HLCS: variants seen among roughly 807,000 people sequenced by gnomAD.
HLCS encodes the protein biotin--protein ligase.
A neutral mutation model predicts 75.0 loss-of-function variants in HLCS; 53 were observed. That is an observed-to-expected ratio of 0.71 (90% confidence interval 0.57 to 0.89). The LOEUF is 0.89. Ranked by LOEUF, HLCS falls within the 40% of genes least tolerant of loss-of-function variation. The pLI is 0.00. For missense variants in HLCS, 966 were observed against 1,074.0 expected (o/e 0.90, Z 1.41); for synonymous variants, 431 against 428.6 (o/e 1.01, Z -0.07).
intron 6 of HLCS, among the ~76,000 whole-genome samples, chr21:36,886,658 C>T (rs1240594279): frequency 6.6e-6 from 1 of 152,126 alleles, no homozygotes; most frequent in Non-Finnish European, 1.5e-5. Context: ...TGTGTTCCCT[C>T]CCCAACCCTC....
chr21:36,878,046 T>C (rs1183445795), intron 6 of HLCS, among the ~76,000 whole-genome samples: 1 of 152,122 alleles, frequency 6.6e-6, no homozygotes, highest in Non-Finnish European at 1.5e-5. Context: ...AGTTGGACTA[T>C]AATATGCCTA....
chr21:36,785,344 C>G (rs1179245212), intron 6 of HLCS, among the ~76,000 whole-genome samples: 1 of 152,126 alleles, frequency 6.6e-6, no homozygotes, highest in Non-Finnish European at 1.5e-5. Flanking sequence ...GGGTTTATGG[C>G]CCCCGTGAAC....
chr21:36,875,758 G>A (rs1407796868), intron 6 of HLCS, among the ~76,000 whole-genome samples: 1 of 152,218 alleles, frequency 6.6e-6, no homozygotes, highest in Non-Finnish European at 1.5e-5. Context: ...CTTGGGACCT[G>A]CCCAATGGTG....
At chr21:36,868,635 GA>G (rs1182346008) in intron 6 of HLCS, among the ~76,000 whole-genome samples, 1 of 151,684 alleles carries the variant, frequency 6.6e-6, no homozygotes, top group Non-Finnish European at 1.5e-5. Context: ...TAAAGAAAAT[GA>G]TGACCAAAAT....
chr21:36,857,639 A>G (rs989808177), intron 6 of HLCS, among the ~76,000 whole-genome samples: 1 of 151,830 alleles, frequency 6.6e-6, no homozygotes, highest in Non-Finnish European at 1.5e-5. Flanking sequence ...TCCTGCTCAG[A>G]GCTCCCACTC....
intron 6 of HLCS, 72 bp downstream of exon 6, chr21:36,896,788 G>A (rs895488553): frequency 2.9e-5 from 44 of 1,530,504 alleles, no homozygotes; most frequent in South Asian, 7.8e-5. Flanking sequence ...TCCCCTCCCC[G>A]TCTATTGGTA....
chr21:36,783,547 A>G (rs2060595447), intron 6 of HLCS, among the ~76,000 whole-genome samples: 1 of 152,158 alleles, frequency 6.6e-6, no homozygotes, highest in African/African-American at 2.4e-5. Context: ...CTAGAGCCAG[A>G]GGGTGGTAGG....
intron 5 of HLCS, among the ~76,000 whole-genome samples, chr21:36,898,533 A>T (rs2032919861): frequency 6.6e-6 from 1 of 151,734 alleles, no homozygotes; most frequent in Admixed American, 6.6e-5. Flanking sequence ...GCCGGGCTGG[A>T]ATCTTCAACT....
chr21:36,817,040 T>C (rs2061684805), intron 6 of HLCS, among the ~76,000 whole-genome samples: 1 of 152,134 alleles, frequency 6.6e-6, no homozygotes, highest in Non-Finnish European at 1.5e-5. Context: ...CTGGCTACAG[T>C]ACAGCAGGCT....
At chr21:36,834,370 C>T (rs1208026569) in intron 6 of HLCS, among the ~76,000 whole-genome samples, 1 of 152,174 alleles carries the variant, frequency 6.6e-6, no homozygotes, top group East Asian at 1.9e-4. Flanking sequence ...TCACTGAGCA[C>T]CAGCATGAGC....
intron 4 of HLCS, among the ~76,000 whole-genome samples, chr21:36,934,343 G>A (rs1247593908): frequency 1.3e-5 from 2 of 152,220 alleles, no homozygotes; most frequent in East Asian, 1.9e-4. Context: ...GCACAAGACT[G>A]TTGTTGCCAC....
At chr21:36,893,278 G>A (rs2064869231) in intron 6 of HLCS, among the ~76,000 whole-genome samples, 1 of 151,968 alleles carries the variant, frequency 6.6e-6, no homozygotes, top group African/African-American at 2.4e-5. Flanking sequence ...CACTATATTG[G>A]TCAGGCTGGT....
At chr21:36,873,887 C>T (rs1218427414) in intron 6 of HLCS, among the ~76,000 whole-genome samples, 1 of 152,194 alleles carries the variant, frequency 6.6e-6, no homozygotes, top group African/African-American at 2.4e-5. Context: ...AGGAATGAAC[C>T]ACTGCACCTG....
In HLCS at chr21:36,753,957, T is replaced by C. The variant is rs527369571; in HGVS notation, c.*289A>G. The C allele has an allele frequency of 4.1e-6, 2 of 488,770 alleles. No homozygotes were observed. Among genetic ancestry groups the C allele is most frequent in the South Asian group, 4.3e-5 (2 of 46,104 alleles). 30.3% of individuals were successfully genotyped at this position (488,770 alleles called of 1,614,324 possible). On this transcript the variant is annotated 3_prime_UTR_variant, in exon 11 of 11. Coordinates refer to ENST00000674895, the MANE Select transcript of HLCS (RefSeq NM_001352514.2). This position sits in a 1 kb window ranked among gnomAD's most constrained non-coding sequence, Gnocchi z 4.3. Reference sequence around the variant, plus strand: ...CCCATTGTCATTTCCATGTAAAAACTCCCCTTGACAATAAACGTAAGTCCA... The same window carrying C: ...CCCATTGTCATTTCCATGTAAAAACCCCCCTTGACAATAAACGTAAGTCCA...
At chr21:36,851,355 G>C (rs1234055128) in intron 6 of HLCS, among the ~76,000 whole-genome samples, 36 of 152,190 alleles carry the variant, frequency 2.4e-4, no homozygotes, top group Admixed American at 2.3e-3. Flanking sequence ...CCACAAAAAA[G>C]AATGCGATAT....
intron 2 of HLCS, among the ~76,000 whole-genome samples, chr21:36,957,021 C>A (rs542513599): frequency 2.0e-5 from 3 of 146,464 alleles, no homozygotes; most frequent in Admixed American, 1.4e-4. Flanking sequence ...CCACTGCAGT[C>A]CAGCCTGGAC....
intron 6 of HLCS, among the ~76,000 whole-genome samples, chr21:36,873,882 T>G (rs968593541): frequency 6.6e-6 from 1 of 152,258 alleles, no homozygotes; most frequent in African/African-American, 2.4e-5. Flanking sequence ...ATTACAGGAA[T>G]GAACCACTGC....
intron 5 of HLCS, among the ~76,000 whole-genome samples, chr21:36,916,518 ATTTTTTTTTT>A (rs57613865): frequency 5.4e-5 from 5 of 93,014 alleles, no homozygotes; most frequent in African/African-American, 1.5e-4. Context: ...TGCCTAGCTA[ATTTTTTTTTT>A]TTTTTTTTTT....
At position 36,847,392 on chromosome 21, in the gene HLCS, T is replaced by C. The variant is rs576755413; in HGVS notation, c.1892+49468A>G. ...AGCACAGACTCGTTTCTATGAATCA[T>C]TGAAAAGGAATTTCATGGTGCCAGC... On this transcript the variant is annotated intron_variant, in intron 6 of 10. Coordinates refer to ENST00000674895, the MANE Select transcript of HLCS (RefSeq NM_001352514.2). Among the ~76,000 whole-genome samples the C allele has an allele frequency of 5.9e-5, 9 of 152,320 alleles. No homozygotes were observed. In the South Asian group the frequency reaches 1.9e-3, roughly 32 times the overall value.
Sources: gnomAD v4.1 joint callset for allele counts (sites outside exome capture counted in the v4.1 genomes callset) on GRCh38, gnomAD v4.1.1 for gene constraint, Gnocchi (gnomAD v3.1) non-coding constraint, MANE v1.5 for transcripts, NCBI Gene and HGNC (gene_info 2026-07-23, HGNC 2026-07-21) for gene names.